The following WLS variants were observed in gnomAD, a reference collection of about 807,000 sequenced individuals.
WLS encodes the protein Wnt ligand secretion mediator.
Under a neutral mutation model 62.8 loss-of-function variants are expected in WLS, and 23 were observed. The observed-to-expected ratio is 0.37, with a 90% CI of 0.26 to 0.52. WLS has a LOEUF of 0.52. Among genes scored for constraint, WLS ranks in the 20% least tolerant of loss-of-function variants. The pLI, the probability that WLS is intolerant of heterozygous loss-of-function variation, is 0.92. For missense variants in WLS, 615 were observed against 697.3 expected (o/e 0.88, Z 1.33); for synonymous variants, 246 against 244.1 (o/e 1.01, Z -0.07).
At chr1:68,211,184 A>C (rs2100645916) in intron 1 of WLS, among the ~76,000 whole-genome samples, 1 of 152,316 alleles carries the variant, frequency 6.6e-6, no homozygotes, top group Middle Eastern at 3.4e-3. Flanking sequence ...GATTTAGTGA[A>C]TGGAGAGGAC....
At chr1:68,131,190 C>T (rs1188550457) in intron 11 of WLS, among the ~76,000 whole-genome samples, 2 of 146,516 alleles carry the variant, frequency 1.4e-5, no homozygotes. Flanking sequence ...GGATTACAGG[C>T]GTGAGCCACC....
intron 3 of WLS, among the ~76,000 whole-genome samples, chr1:68,156,848 C>T (rs985793735): frequency 2.0e-5 from 3 of 152,156 alleles, no homozygotes; most frequent in Non-Finnish European, 4.4e-5. Context: ...AAGTTCACTG[C>T]AGGCTCTAAT....
In WLS at chr1:68,150,293, G is replaced by T; in HGVS notation, c.867C>A (p.Ile289=). ...FINIPVEWFS[I]GFDWTWMLLF... ...GCAGCATCCAGGTCCAGTCAAACCC[G>T]ATGGAAAACCATTCCACTGGGATAT... The change falls in exon 6 of 12, where the codon ATC becomes ATA. Residue 289 remains isoleucine, a synonymous_variant. Transcript: ENST00000262348. The T allele has an allele frequency of 6.2e-7, 1 of 1,614,180 alleles. No individual in the cohort carries two copies. The highest frequency in any genetic ancestry group is 8.5e-7 in the Non-Finnish European group (1 of 1,180,040).
intron 10 of WLS, chr1:68,142,537 G>A (rs1237053405): frequency 6.6e-6 from 1 of 152,162 alleles, no homozygotes; most frequent in African/African-American, 2.4e-5. Context: ...GTTTGAATAT[G>A]GATGTTTGAG....
At chr1:68,102,756 T>C (rs1646095195) in intron 11 of WLS, 1 of 152,240 alleles carries the variant, frequency 6.6e-6, no homozygotes, top group African/African-American at 2.4e-5. Context: ...TATGCCCCTC[T>C]TGCCAGCTGA....
intron 2 of WLS, among the ~76,000 whole-genome samples, chr1:68,160,875 G>A (rs1646962244): frequency 1.3e-5 from 2 of 152,132 alleles, no homozygotes; most frequent in African/African-American, 2.4e-5. Flanking sequence ...GTTAAAATCA[G>A]TCACATCTAA....
At chr1:68,158,319 C>T (rs1646925373) in intron 3 of WLS, among the ~76,000 whole-genome samples, 1 of 152,154 alleles carries the variant, frequency 6.6e-6, no homozygotes, top group African/African-American at 2.4e-5. Flanking sequence ...GGAGACTCCC[C>T]TAGTGTTTCA....
chr1:68,152,302 G>T (rs1163440908), intron 5 of WLS, among the ~76,000 whole-genome samples: 3 of 152,292 alleles, frequency 2.0e-5, no homozygotes, highest in Admixed American at 2.0e-4. Context: ...TCAGAGAATA[G>T]ATGATTTTTC....
At chr1:68,154,363 G>A (rs1646868011) in intron 4 of WLS, among the ~76,000 whole-genome samples, 1 of 152,034 alleles carries the variant, frequency 6.6e-6, no homozygotes, top group Admixed American at 6.6e-5. Flanking sequence ...TATCCTAGAT[G>A]GTCAATATGT....
intron 4 of WLS, 58 bp from the exon 5 acceptor site, chr1:68,153,711 C>T: frequency 6.2e-7 from 1 of 1,606,012 alleles, no homozygotes; most frequent in South Asian, 1.1e-5. Flanking sequence ...TTTCCTTCTA[C>T]TAGCAAATGC....
chr1:68,159,006 G>T, intron 3 of WLS, 117 bp downstream of exon 3: 2 of 1,347,342 alleles, frequency 1.5e-6, no homozygotes, highest in Non-Finnish European at 2.0e-6. Context: ...CGCAGAGCAG[G>T]TATTACCAAA....
chr1:68,145,791 C>A, intron 9 of WLS, 78 bp downstream of exon 9: 1 of 1,561,124 alleles, frequency 6.4e-7, no homozygotes, highest in Non-Finnish European at 8.7e-7. Flanking sequence ...TTTCTATCTC[C>A]AGGGTGTGTG....
chr1:68,202,231 T>A (rs1649058403), intron 1 of WLS: 1 of 152,222 alleles, frequency 6.6e-6, no homozygotes, highest in Non-Finnish European at 1.5e-5. Context: ...AACATGAAAT[T>A]ATTTTAGGCT....
chr1:68,215,290 T>C (rs546333262), intron 1 of WLS, among the ~76,000 whole-genome samples: 1 of 152,318 alleles, frequency 6.6e-6, no homozygotes, highest in Admixed American at 6.5e-5. Flanking sequence ...GAAAATAGTA[T>C]ATTAAAAGAA....
At chr1:68,157,175 G>A (rs1646910408) in intron 3 of WLS, among the ~76,000 whole-genome samples, 1 of 152,160 alleles carries the variant, frequency 6.6e-6, no homozygotes, top group African/African-American at 2.4e-5. Context: ...TGGGTACCTT[G>A]GGTCACCCTG....
intron 11 of WLS, among the ~76,000 whole-genome samples, chr1:68,130,778 A>G (rs974510403): frequency 1.3e-5 from 2 of 152,090 alleles, no homozygotes; most frequent in African/African-American, 2.4e-5. Flanking sequence ...TGGGAGACAG[A>G]GGCAGGAGGA....
At chr1:68,228,146 T>A (rs545827159) in intron 1 of WLS, 2 of 372,600 alleles carry the variant, frequency 5.4e-6, no homozygotes, top group African/African-American at 2.1e-5. Context: ...AAAAGGCCAC[T>A]CACATAAGTT....
At chr1:68,206,755 C>A (rs1329389719) in intron 1 of WLS, among the ~76,000 whole-genome samples, 1 of 152,184 alleles carries the variant, frequency 6.6e-6, no homozygotes, top group Non-Finnish European at 1.5e-5. Context: ...GTTTTCTCAA[C>A]TGTAAAAGGC....
chr1:68,153,691 T>C (rs1471221061), intron 4 of WLS, 38 bp from the exon 5 acceptor site: 5 of 1,612,164 alleles, frequency 3.1e-6, no homozygotes, highest in Non-Finnish European at 1.7e-6. Flanking sequence ...AGGTGAATAT[T>C]ATCTTAGCAT....
Sources: allele counts gnomAD v4.1 joint callset (sites outside exome capture counted in the v4.1 genomes callset), GRCh38; gene constraint gnomAD v4.1.1; transcripts MANE v1.5; gene names NCBI Gene and HGNC (gene_info 2026-07-23, HGNC 2026-07-21).